The following MARK4 variants were observed in gnomAD, a reference collection of about 807,000 sequenced individuals.
MARK4 encodes MAP/microtubule affinity-regulating kinase 4.
In MARK4, 19 loss-of-function variants were observed where a neutral mutation model predicts 81.5. That is an observed-to-expected ratio of 0.23 (90% CI 0.16 to 0.34). The LOEUF is 0.34. Ranked by LOEUF, MARK4 falls within the 10% of genes least tolerant of loss-of-function variation. The pLI is 1.00. For missense variants in MARK4, 772 were observed against 1,058.8 expected (o/e 0.73, Z 3.76); for synonymous variants, 436 against 439.0 (o/e 0.99, Z 0.08).
Position 45,264,164 on chromosome 19 carries a change from A to C in MARK4, c.356-520A>C, listed in dbSNP as rs1416894443. On this transcript the variant is annotated intron_variant, in intron 4 of 16. Transcript: ENST00000262891. ...GACACAACAGGGAAGACAACAAGAC[A>C]CAAATCTCTGGCCTCATGGAGCTGA... is the stretch of plus-strand genomic sequence containing the variant. Among the ~76,000 whole-genome samples the C allele has an allele frequency of 3.3e-5, 5 of 152,160 alleles. No homozygotes were observed. In the East Asian group the frequency reaches 9.6e-4, roughly 29 times the overall value.
Position 45,277,637 on chromosome 19 carries a change from G to A in MARK4, c.787-286G>A, listed in dbSNP as rs1261574811. Among the ~76,000 whole-genome samples, 6 of 151,918 alleles carry A rather than the reference G, an allele frequency of 3.9e-5. No homozygotes were observed. The South Asian group carries it at 1.0e-3, about 26-fold the overall frequency. ...TGTTCTTGAACTCCTGGGCTCAAGC[G>A]ATCCTCCGGTCTTGGCCTCTACGCC... On this transcript the variant is annotated intron_variant, in intron 8 of 16. Transcript: ENST00000262891.
Position 45,259,245 on chromosome 19 carries a change from G to T in MARK4, c.252+56G>T, listed in dbSNP as rs77737452. ...CAGGTCCCTGTGGGACCAGGTCTTCGGTGTATGTTGATAGAGGTCAGGATT... is the reference window on the plus strand; with the variant it reads ...CAGGTCCCTGTGGGACCAGGTCTTCTGTGTATGTTGATAGAGGTCAGGATT... On this transcript the variant is annotated intron_variant, in intron 2 of 16. Coordinates refer to ENST00000262891, the MANE Select transcript of MARK4 (RefSeq NM_001199867.2). The T allele has an allele frequency of 3.3e-4, 528 of 1,583,128 alleles. 4 individuals are homozygous for T. The East Asian group carries it at 0.011, about 33-fold the overall frequency.
chr19:45,263,370 G>A lies in MARK4; in HGVS notation c.355+3G>A, dbSNP rs751787078. ...GGGCCTAAACCACCCCAACATCGGT[G>A]AGGAGGGAATGGGAGCAGGGGCAGG... On this transcript the variant is annotated splice_donor_region_variant and intron_variant, in intron 4 of 16. Coordinates refer to ENST00000262891, the MANE Select transcript of MARK4 (RefSeq NM_001199867.2). The A allele has an allele frequency of 3.1e-6, 5 of 1,614,190 alleles. No individual in the cohort carries two copies. Among genetic ancestry groups the A allele is most frequent in the Non-Finnish European group, 4.2e-6 (5 of 1,180,020 alleles).
Position 45,280,427 on chromosome 19 carries a change from A to G in MARK4, c.1060A>G (p.Ser354Gly). Reference sequence around the variant, plus strand: ...GGAAGAAATCAAAGAGTCCTTGACCAGCCAGAAGTACAACGAAGTGACCGC... The same window carrying G: ...GGAAGAAATCAAAGAGTCCTTGACCGGCCAGAAGTACAACGAAGTGACCGC... ...TREEIKESLT[S>G]QKYNEVTATY... is the part of the protein sequence containing the mutation. The change falls in exon 11 of 17, where the codon AGC becomes GGC. Residue 354 changes from serine (S) to glycine (G), a missense_variant. Around this residue, in one of 3 missense-constraint regions of MARK4, gnomAD observed 548 missense variants for 624.3 expected, o/e 0.88. Coordinates refer to ENST00000262891, the MANE Select transcript of MARK4 (RefSeq NM_001199867.2). 4 of 1,614,222 alleles carry G rather than the reference A, an allele frequency of 2.5e-6. No homozygotes were observed. Among genetic ancestry groups the G allele is most frequent in the Non-Finnish European group, 3.4e-6 (4 of 1,180,030 alleles).
Position 45,302,696 on chromosome 19 carries a change from G to A in MARK4, c.2245G>A (p.Asp749Asn), listed in dbSNP as rs914966258. ...FRTLVTRISN[D>N]LEL The stretch of plus-strand genomic sequence containing the variant: ...CACCCTCGTCACCCGCATCTCCAAC[G>A]ACCTCGAGCTCTGAGCCACCACGGT... Residue 749 changes from aspartate to asparagine, a missense_variant, in exon 17 of 17, where the codon GAC (aspartate) becomes AAC (asparagine). By Grantham distance (23) the Asp-to-Asn change is conservative. Coordinates refer to ENST00000262891, the MANE Select transcript of MARK4 (RefSeq NM_001199867.2). The surrounding 1 kb of genome is among the most constrained non-coding windows in gnomAD (Gnocchi z 4.9). The A allele has an allele frequency of 1.8e-5, 27 of 1,536,234 alleles. No individual in the cohort carries two copies. The highest frequency in any genetic ancestry group is 1.6e-4 in the Admixed American group (8 of 50,998).
At position 45,298,077 on chromosome 19, in the gene MARK4, G is replaced by GTTTCCTCCTCCTCCTCCTCC; in HGVS notation, c.1877+135_1877+154dup. 6 of 1,426,730 alleles carry GTTTCCTCCTCCTCCTCCTCC rather than the reference G, an allele frequency of 4.2e-6. No individual in the cohort carries two copies. The South Asian group carries it at 7.4e-5, about 18-fold the overall frequency. The allele number at this position is 1,426,730 out of a possible 1,614,324, so 88.4% of individuals were successfully genotyped here. A position where few individuals can be genotyped will look rare whatever the true frequency, so the allele number is the denominator to read the frequency against. On this transcript the variant is annotated intron_variant, in intron 15 of 16. Transcript: ENST00000262891. Reference sequence around the variant, plus strand: ...CCTCTTCCTCCTCCTCCTCCTCCTCGTTTCCTCCTCCTCCTCCTCCTTTCC... The same window carrying GTTTCCTCCTCCTCCTCCTCC: ...CCTCTTCCTCCTCCTCCTCCTCCTCGTTTCCTCCTCCTCCTCCTCCTTTCCTCCTCCTCCTCCTCCTTTCC...
intron 12 of MARK4, among the ~76,000 whole-genome samples, chr19:45,282,612 G>C (rs2123075915): frequency 6.6e-6 from 1 of 152,134 alleles, no homozygotes; most frequent in East Asian, 1.9e-4. Flanking sequence ...AGGATCACGA[G>C]GTCAGGAGTT....
In MARK4 at chr19:45,251,545, G is replaced by GC. The variant is rs752470374; in HGVS notation, c.-36dup. The GC allele has an allele frequency of 1.9e-3, 285 of 147,632 alleles. No individual in the cohort carries two copies. Among genetic ancestry groups the GC allele is most frequent in the South Asian group, 4.4e-3 (57 of 12,934 alleles). The allele number at this position is 147,632 out of a possible 1,614,324, so 9.1% of individuals were successfully genotyped here. A position where few individuals can be genotyped will look rare whatever the true frequency, so the allele number is the denominator to read the frequency against. On this transcript the variant is annotated 5_prime_UTR_variant, in exon 1 of 17. Transcript: ENST00000262891. The stretch of plus-strand genomic sequence containing the variant: ...GAAGAGAGGGGACCCTGGGACCCCC[G>GC]CCCCCCCCACCCGGCCGCCCCTGCC...
chr19:45,302,904 C>A lies in MARK4; in HGVS notation c.*194C>A. The stretch of plus-strand genomic sequence containing the variant: ...ACAGAAGAAGGATGAGGGGGCTCAG[C>A]GGGGGGAGCTGGCACCTTCCTGGAG... On this transcript the variant is annotated 3_prime_UTR_variant, in exon 17 of 17. Transcript: ENST00000262891. The surrounding 1 kb of genome is among the most constrained non-coding windows in gnomAD (Gnocchi z 4.9). The A allele has an allele frequency of 2.2e-6, 2 of 889,640 alleles. No individual in the cohort carries two copies. Among genetic ancestry groups the A allele is most frequent in the South Asian group, 1.8e-5 (1 of 55,770 alleles). 55.1% of individuals were successfully genotyped at this position (889,640 alleles called of 1,614,324 possible).
chr19:45,287,504 C>A lies in MARK4; in HGVS notation c.1334C>A (p.Ala445Glu), dbSNP rs547448729. ...PKRSPTSTGE[A>E]ELKEERLPGR... is the part of the protein sequence containing the mutation. ...CGCAGCCCGACGAGCACGGGGGAGG[C>A]GGAGCTGAAGGAGGAGCGGCTGCCA... Residue 445 changes from alanine (A) to glutamate (E), a missense_variant, in exon 13 of 17, where the codon GCG becomes GAG. By Grantham distance (107) the Ala-to-Glu change is moderately radical (BLOSUM62 -1). This residue lies in a region of MARK4 where 548 missense variants were observed against 624.3 expected (regional missense o/e 0.88). Coordinates refer to ENST00000262891, the MANE Select transcript of MARK4 (RefSeq NM_001199867.2). 6.5e-7 allele frequency: 1 copy of A among 1,537,500 alleles called. No individual in the cohort carries two copies. Among genetic ancestry groups the A allele is most frequent in the Admixed American group, 2.0e-5 (1 of 49,960 alleles).
intron 13 of MARK4, among the ~76,000 whole-genome samples, chr19:45,290,295 C>T (rs1036661947): frequency 6.6e-6 from 1 of 152,218 alleles, no homozygotes; most frequent in Non-Finnish European, 1.5e-5. Flanking sequence ...CTCCAGAGGT[C>T]CTGACCATCA....
intron 15 of MARK4, chr19:45,298,185 T>C (rs1970916807): frequency 1.2e-6 from 2 of 1,613,926 alleles, no homozygotes; most frequent in South Asian, 2.2e-5. Flanking sequence ...CTAACCGCTG[T>C]GTTTCGGGCG....
chr19:45,258,148 T>C (rs564958157), intron 1 of MARK4, among the ~76,000 whole-genome samples: 8 of 151,990 alleles, frequency 5.3e-5, no homozygotes, highest in Admixed American at 4.6e-4. Context: ...AATGCCTGGC[T>C]AATTTTTGTA....
chr19:45,302,331 C>T lies in MARK4; in HGVS notation c.1923-43C>T, dbSNP rs377727039. ...GTCCCTTCAGCCCTCCACCACATTC[C>T]TCTTCGCTCCCATCTCTGACCCCTG... On this transcript the variant is annotated intron_variant, in intron 16 of 16. Coordinates refer to ENST00000262891, the MANE Select transcript of MARK4 (RefSeq NM_001199867.2). This position sits in a 1 kb window ranked among gnomAD's most constrained non-coding sequence, Gnocchi z 4.9. The T allele has an allele frequency of 4.1e-5, 66 of 1,613,220 alleles. No individual in the cohort carries two copies. The highest frequency in any genetic ancestry group is 5.1e-5 in the Non-Finnish European group (60 of 1,179,590).
At chr19:45,284,199 G>T (rs1056000459) in intron 12 of MARK4, among the ~76,000 whole-genome samples, 4 of 151,940 alleles carry the variant, frequency 2.6e-5, no homozygotes, top group African/African-American at 9.7e-5. Context: ...GTAGAGACAG[G>T]GTTTCACCGT....
chr19:45,298,117 C>T, intron 15 of MARK4, 163 bp downstream of exon 15: 1 of 1,611,478 alleles, frequency 6.2e-7, no homozygotes, highest in South Asian at 1.1e-5. Context: ...CCCCTGTCAC[C>T]CCTCACCTCC....
At chr19:45,298,340 G>C (rs1298908833) in intron 15 of MARK4, 34 of 1,068,956 alleles carry the variant, frequency 3.2e-5, no homozygotes, top group Non-Finnish European at 4.8e-5. Flanking sequence ...CGTGGGGTCT[G>C]GTTGTTCATT....
intron 12 of MARK4, among the ~76,000 whole-genome samples, chr19:45,281,361 T>TC (rs1329048663): frequency 4.2e-4 from 48 of 114,386 alleles, no homozygotes; most frequent in African/African-American, 1.3e-3. Context: ...TTCTTTTCTT[T>TC]TCTTTCTTTT....
intron 8 of MARK4, among the ~76,000 whole-genome samples, chr19:45,272,753 T>G (rs1970546364): frequency 6.6e-6 from 1 of 152,002 alleles, no homozygotes; most frequent in African/African-American, 2.4e-5. Flanking sequence ...CCGGGTGTGG[T>G]GGCAGGCACC....
Sources: allele counts gnomAD v4.1 joint callset (sites outside exome capture counted in the v4.1 genomes callset), GRCh38; gene constraint gnomAD v4.1.1; regional missense constraint gnomAD v4.1.1; non-coding constraint Gnocchi (gnomAD v3.1); transcripts MANE v1.5; gene names NCBI Gene and HGNC (gene_info 2026-07-23, HGNC 2026-07-21).